RBM39: variants seen among roughly 807,000 people sequenced by gnomAD.
The protein encoded by RBM39 is RNA binding motif protein 39.
A neutral mutation model predicts 79.6 loss-of-function variants in RBM39; 12 were observed. That is an observed-to-expected ratio of 0.15 (90% CI 0.10 to 0.24). The LOEUF is 0.24. RBM39 is among the 10% of genes least tolerant of loss of function. The pLI, the probability that RBM39 is intolerant of heterozygous loss-of-function variation, is 1.00. For synonymous variants in RBM39, 185 were observed against 208.4 expected (o/e 0.89, Z 0.97); for missense variants, 243 against 653.4 (o/e 0.37, Z 6.85).
At chr20:35,736,809 C>T (rs975398645) in intron 3 of RBM39, among the ~76,000 whole-genome samples, 12 of 151,942 alleles carry the variant, frequency 7.9e-5, no homozygotes, top group Admixed American at 6.5e-4. Context: ...TGCACCACCA[C>T]GCCCAGCTAA....
At chr20:35,724,443 A>G (rs979043385) in intron 8 of RBM39, 127 bp downstream of exon 8, 8 of 902,170 alleles carry the variant, frequency 8.9e-6, no homozygotes, top group African/African-American at 6.9e-5. Context: ...AAAAAAAAAA[A>G]AAAAGTCCTG....
At position 35,741,030 on chromosome 20, in the gene RBM39, C is replaced by CT. The variant is rs572102658; in HGVS notation, c.-13-144dup. 147 of 127,238 alleles carry CT rather than the reference C, an allele frequency of 1.2e-3. 8 individuals are homozygous for CT. The highest frequency in any genetic ancestry group is 4.2e-3 in the East Asian group (15 of 3,532). 7.9% of individuals were successfully genotyped at this position (127,238 alleles called of 1,614,324 possible). ...GACGATTCCGTGAGTAAACATTTTT[C>CT]TTTTTTTTTTTTTTTTTTTTTGAGA... On this transcript the variant is annotated intron_variant, in intron 1 of 16. Coordinates refer to ENST00000253363, the MANE Select transcript of RBM39 (RefSeq NM_184234.3).
At chr20:35,737,708 GCA>G in intron 3 of RBM39, among the ~76,000 whole-genome samples, 1 of 151,402 alleles carries the variant, frequency 6.6e-6, no homozygotes, top group Non-Finnish European at 1.5e-5. Flanking sequence ...AATTAGCCAG[GCA>G]TGGTGGCAGG....
intron 3 of RBM39, chr20:35,732,429 G>A (rs923296705): frequency 3.1e-5 from 10 of 320,832 alleles, no homozygotes; most frequent in African/African-American, 8.5e-5. Context: ...AGTACCGTGC[G>A]CCTGTAGTCC....
At chr20:35,734,192 G>C in intron 3 of RBM39, 2 of 1,301,308 alleles carry the variant, frequency 1.5e-6, no homozygotes, top group African/African-American at 3.0e-5. Context: ...CCACCTTCTG[G>C]AATCTTGAAA....
At position 35,703,775 on chromosome 20, in the gene RBM39, A is replaced by C. The variant is rs969959010; in HGVS notation, c.*706T>G. ...TTAAAAAGAGCAAAGATTATATGCA[A>C]CCAGACAAAACCTATTTCTGCATTT... On this transcript the variant is annotated 3_prime_UTR_variant, in exon 17 of 17. Coordinates refer to ENST00000253363, the MANE Select transcript of RBM39 (RefSeq NM_184234.3). The C allele has an allele frequency of 3.9e-5, 6 of 152,580 alleles. No individual in the cohort carries two copies. The highest frequency in any genetic ancestry group is 8.8e-5 in the Non-Finnish European group (6 of 68,032). The allele number at this position is 152,580 out of a possible 1,614,324, so 9.5% of individuals were successfully genotyped here.
intron 9 of RBM39, among the ~76,000 whole-genome samples, chr20:35,720,725 T>C (rs905344790): frequency 1.2e-4 from 18 of 151,952 alleles, no homozygotes; most frequent in African/African-American, 4.1e-4. Flanking sequence ...CGAGGCGAGA[T>C]TGTGCCACTG....
At chr20:35,741,048 T>TTTTTTTTTTTTTTTTTTTA (rs2040469144) in intron 1 of RBM39, among the ~76,000 whole-genome samples, 161 bp from the exon 2 acceptor site, 1 of 131,278 alleles carries the variant, frequency 7.6e-6, no homozygotes, top group Non-Finnish European at 1.6e-5. Context: ...TTTTTTTTTT[T>TTTTTTTTTTTTTTTTTTTA]TTTGAGACGG....
At chr20:35,708,530 G>A (rs1035308262) in intron 13 of RBM39, among the ~76,000 whole-genome samples, 8 of 152,038 alleles carry the variant, frequency 5.3e-5, no homozygotes, top group African/African-American at 1.7e-4. Context: ...TCTTGTTTGT[G>A]AAAAAATTTA....
intron 4 of RBM39, 72 bp from the exon 5 acceptor site, chr20:35,729,599 C>T (rs1377601629): frequency 3.8e-6 from 5 of 1,323,944 alleles, no homozygotes; most frequent in East Asian, 4.6e-5. Flanking sequence ...ATGCGCTCTC[C>T]AGCAAGACTA....
At chr20:35,707,920 G>A in intron 13 of RBM39, 1 of 466,358 alleles carries the variant, frequency 2.1e-6, no homozygotes. Flanking sequence ...AATATTACCA[G>A]TAGCTGTTAC....
chr20:35,731,791 C>T, intron 4 of RBM39, 150 bp downstream of exon 4: 2 of 793,202 alleles, frequency 2.5e-6, no homozygotes, highest in Non-Finnish European at 4.1e-6. Context: ...TTTCACTTTA[C>T]TAGTATTCAA....
intron 7 of RBM39, 85 bp from the exon 8 acceptor site, chr20:35,724,807 G>C (rs1387880270): frequency 6.9e-7 from 1 of 1,451,964 alleles, no homozygotes; most frequent in East Asian, 2.3e-5. Flanking sequence ...AAGGATGAAG[G>C]TATTTTTAAA....
In RBM39 at chr20:35,721,730, C is replaced by T. The variant is rs528196065; in HGVS notation, c.825+10G>A. 1.2e-6 allele frequency: 2 copies of T among 1,613,152 alleles called. No homozygotes were observed. The highest frequency in any genetic ancestry group is 2.2e-5 in the East Asian group (1 of 44,860). ...ACCTACTGAAGATTCATTGAAGAACCTGGACTTACTCTTCCAAAAGGCTCA... is the reference window on the plus strand; with the variant it reads ...ACCTACTGAAGATTCATTGAAGAACTTGGACTTACTCTTCCAAAAGGCTCA... On this transcript the variant is annotated intron_variant, in intron 9 of 16. Coordinates refer to ENST00000253363, the MANE Select transcript of RBM39 (RefSeq NM_184234.3).
At chr20:35,736,898 G>A (rs903451739) in intron 3 of RBM39, among the ~76,000 whole-genome samples, 3 of 149,376 alleles carry the variant, frequency 2.0e-5, no homozygotes, top group Admixed American at 6.7e-5. Context: ...TGATCCACCC[G>A]CCTGAGCCTC....
chr20:35,709,442 T>C, intron 12 of RBM39, 168 bp from the exon 13 acceptor site: 1 of 564,390 alleles, frequency 1.8e-6, no homozygotes, highest in Non-Finnish European at 3.1e-6. Flanking sequence ...TGGGGCCTTT[T>C]TTCCCCCTCT....
chr20:35,705,212 A>T lies in RBM39; in HGVS notation c.1413+13T>A. 6.9e-7 allele frequency: 1 copy of T among 1,454,882 alleles called. No individual in the cohort carries two copies. The highest frequency in any genetic ancestry group is 9.5e-7 in the Non-Finnish European group (1 of 1,057,712). 90.1% of individuals were successfully genotyped at this position (1,454,882 alleles called of 1,614,324 possible). On this transcript the variant is annotated intron_variant, in intron 15 of 16. Transcript: ENST00000253363. ...AACAACCTAACATCATTTATAAAAA[A>T]AGATGAAAATACCTGAGCTGAATTT...
chr20:35,721,918 C>G, intron 8 of RBM39, 41 bp from the exon 9 acceptor site: 1 of 1,595,010 alleles, frequency 6.3e-7, no homozygotes, highest in Non-Finnish European at 8.6e-7. Flanking sequence ...TAACACACAG[C>G]AGTTTAAAGA....
chr20:35,740,897 G>A lies in RBM39; in HGVS notation c.-13-10C>T, dbSNP rs369547612. 1.1e-5 allele frequency: 17 copies of A among 1,590,978 alleles called. No homozygotes were observed. The highest frequency in any genetic ancestry group is 1.3e-5 in the Non-Finnish European group (15 of 1,163,676). ...CATTTTCTCTAAACGCCTAGGAAGAGAACAAGACAATTTCTTGAGTAAACA... is the reference window on the plus strand; with the variant it reads ...CATTTTCTCTAAACGCCTAGGAAGAAAACAAGACAATTTCTTGAGTAAACA... On this transcript the variant is annotated splice_polypyrimidine_tract_variant and intron_variant, in intron 1 of 16. Coordinates refer to ENST00000253363, the MANE Select transcript of RBM39 (RefSeq NM_184234.3).
Sources: allele counts gnomAD v4.1 joint callset (sites outside exome capture counted in the v4.1 genomes callset), GRCh38; gene constraint gnomAD v4.1.1; transcripts MANE v1.5; gene names NCBI Gene and HGNC (gene_info 2026-07-23, HGNC 2026-07-21).